The following CA10 variants were observed in gnomAD, a reference collection of about 807,000 sequenced individuals.
CA10 encodes the protein carbonic anhydrase 10 (inactive), also known as carbonic anhydrase-related protein 10.
CA10 carries 14 observed loss-of-function variants against 44.2 expected under a neutral mutation model. The observed-to-expected ratio is 0.32, with a 90% CI of 0.21 to 0.50. The LOEUF (loss-of-function observed/expected upper bound fraction) is 0.50, where lower values mean the gene tolerates loss of function less well. Among genes scored for constraint, CA10 ranks in the 20% least tolerant of loss-of-function variants. The pLI, the probability that CA10 is intolerant of heterozygous loss-of-function variation, is 0.99. For synonymous variants in CA10, 159 were observed against 141.6 expected (o/e 1.12, Z -0.87); for missense variants, 350 against 409.7 (o/e 0.85, Z 1.26).
chr17:51,956,975 T>G (rs573874041), intron 2 of CA10, among the ~76,000 whole-genome samples: 5 of 152,278 alleles, frequency 3.3e-5, no homozygotes, highest in South Asian at 2.1e-4. Context: ...TAAGTCCAAA[T>G]GGCACCTGGA....
At chr17:52,103,035 T>G (rs543226547) in intron 1 of CA10, among the ~76,000 whole-genome samples, 1 of 152,214 alleles carries the variant, frequency 6.6e-6, no homozygotes, top group African/African-American at 2.4e-5. Flanking sequence ...TGTCCTTGGG[T>G]TTACACTTTT....
At chr17:51,719,918 C>A (rs1004093998) in intron 4 of CA10, among the ~76,000 whole-genome samples, 8 of 152,004 alleles carry the variant, frequency 5.3e-5, no homozygotes, top group African/African-American at 1.7e-4. Context: ...ACTTTTGCAG[C>A]CTTTTAAGGA....
chr17:51,761,918 A>G (rs1026871412), intron 3 of CA10: 3 of 152,188 alleles, frequency 2.0e-5, no homozygotes, highest in Admixed American at 2.0e-4. Context: ...TGACCATAGA[A>G]AAAGACACCA....
intron 6 of CA10, among the ~76,000 whole-genome samples, chr17:51,648,488 C>CT (rs1478034502): frequency 1.3e-5 from 2 of 152,182 alleles, no homozygotes; most frequent in Non-Finnish European, 2.9e-5. Context: ...TAAAGACAAT[C>CT]TTTTTTCCTC....
At chr17:52,026,761 C>T (rs1986314699) in intron 2 of CA10, among the ~76,000 whole-genome samples, 1 of 152,018 alleles carries the variant, frequency 6.6e-6, no homozygotes, top group South Asian at 2.1e-4. Flanking sequence ...GTAACGACCC[C>T]TATGATTCAA....
chr17:51,865,894 G>GA (rs1979525268), intron 3 of CA10, among the ~76,000 whole-genome samples: 1 of 152,172 alleles, frequency 6.6e-6, no homozygotes, highest in Non-Finnish European at 1.5e-5. Context: ...ATTCACAGAG[G>GA]AAACCACGTT....
intron 3 of CA10, among the ~76,000 whole-genome samples, chr17:51,810,597 C>T (rs146936787): frequency 2.0e-5 from 3 of 152,142 alleles, no homozygotes; most frequent in African/African-American, 7.2e-5. Flanking sequence ...AGATGCAGCT[C>T]AAGAAGAAGC....
At chr17:51,690,236 C>T (rs545463996) in intron 4 of CA10, among the ~76,000 whole-genome samples, 2 of 152,220 alleles carry the variant, frequency 1.3e-5, no homozygotes, top group African/African-American at 4.8e-5. Context: ...GCGTGAGCCA[C>T]CATGCCTCGG....
At chr17:51,926,067 A>G (rs1229161750) in intron 3 of CA10, among the ~76,000 whole-genome samples, 2 of 152,182 alleles carry the variant, frequency 1.3e-5, no homozygotes, top group Non-Finnish European at 1.5e-5. Flanking sequence ...TGAACCATCC[A>G]CTTTAAAATG....
chr17:51,752,649 C>A (rs1364915645), intron 3 of CA10, among the ~76,000 whole-genome samples: 4 of 152,052 alleles, frequency 2.6e-5, no homozygotes, highest in Non-Finnish European at 5.9e-5. Flanking sequence ...CTTTGGGGGG[C>A]CAGGTACTTT....
At chr17:51,777,270 AT>A (rs1222686251) in intron 3 of CA10, among the ~76,000 whole-genome samples, 2 of 152,200 alleles carry the variant, frequency 1.3e-5, no homozygotes, top group African/African-American at 4.8e-5. Flanking sequence ...AAGTGGTGAT[AT>A]TGAGTTGGCT....
intron 3 of CA10, among the ~76,000 whole-genome samples, chr17:51,918,721 TG>T (rs1212281051): frequency 2.0e-5 from 3 of 152,184 alleles, no homozygotes; most frequent in Non-Finnish European, 1.5e-5. Flanking sequence ...CTCGCCTTAC[TG>T]AATAGACACT....
chr17:51,946,651 G>A (rs1983284434), intron 2 of CA10, among the ~76,000 whole-genome samples: 1 of 152,076 alleles, frequency 6.6e-6, no homozygotes, highest in African/African-American at 2.4e-5. Context: ...ATTTTCCAAG[G>A]CTGGACTCAA....
intron 2 of CA10, among the ~76,000 whole-genome samples, chr17:51,946,265 C>A (rs1047659215): frequency 6.6e-6 from 1 of 152,136 alleles, no homozygotes; most frequent in African/African-American, 2.4e-5. Context: ...AATGCATTGT[C>A]TACTTGGAAA....
rs1989870811 is a variant in CA10 at position 52,158,582 on chromosome 17, G to A, written c.-796C>T. ...TGGGCCCCGGGGACTGGGGCGCGGT[G>A]GGGGCACACAGACTCTCCAGGTCGC... On this transcript the variant is annotated 5_prime_UTR_variant, in exon 1 of 9. Transcript: ENST00000451037. 1 of 153,188 alleles carries A rather than the reference G, an allele frequency of 6.5e-6. No homozygotes were observed. The highest frequency in any genetic ancestry group is 2.4e-5 in the African/African-American group (1 of 41,438). The allele number at this position is 153,188 out of a possible 1,614,324, so 9.5% of individuals were successfully genotyped here.
At position 51,632,751 on chromosome 17, in the gene CA10, C is replaced by T. The variant is rs191459567; in HGVS notation, c.964+725G>A. 7.1e-4 allele frequency among the ~76,000 whole-genome samples: 108 copies of T among 152,316 alleles called. 3 individuals carry two copies. The highest frequency in any genetic ancestry group is 1.5e-4 in the Non-Finnish European group (10 of 68,032). On this transcript the variant is annotated intron_variant, in intron 8 of 8. Transcript: ENST00000451037. ...GGCTCTCCAAGACCCCATCCTTCCT[C>T]CATCTTTCTTTCCACACTGAGTGTT...
chr17:51,872,652 T>C (rs1366040823), intron 3 of CA10, among the ~76,000 whole-genome samples: 1 of 152,208 alleles, frequency 6.6e-6, no homozygotes, highest in Non-Finnish European at 1.5e-5. Flanking sequence ...TTTACAGAGC[T>C]GTCTGGAGCT....
chr17:51,976,215 A>G (rs1280707088), intron 2 of CA10, among the ~76,000 whole-genome samples: 2 of 152,232 alleles, frequency 1.3e-5, no homozygotes, highest in African/African-American at 2.4e-5. Flanking sequence ...AGTTAAAAAC[A>G]GTAACACCAG....
intron 2 of CA10, among the ~76,000 whole-genome samples, chr17:52,044,000 T>C (rs1986839710): frequency 6.6e-6 from 1 of 152,132 alleles, no homozygotes; most frequent in Non-Finnish European, 1.5e-5. Context: ...AGCAGGGATG[T>C]TGGCCTGTAA....
Sources: allele counts gnomAD v4.1 joint callset (sites outside exome capture counted in the v4.1 genomes callset), GRCh38; gene constraint gnomAD v4.1.1; transcripts MANE v1.5; gene names NCBI Gene and HGNC (gene_info 2026-07-23, HGNC 2026-07-21).